Variants in RASSF3 observed in about 807,000 individuals in gnomAD.
The protein encoded by RASSF3 is Ras association domain family member 3, also known as ras association domain-containing protein 3.
Under a neutral mutation model 19.9 loss-of-function variants are expected in RASSF3, and 19 were observed. The observed-to-expected ratio is 0.96, with a 90% CI of 0.67 to 1.40. RASSF3 has a LOEUF of 1.40. Ranked by LOEUF, RASSF3 falls within the 40% of genes most tolerant of loss-of-function variation. RASSF3 has a pLI of 0.00. For missense variants in RASSF3, 306 were observed against 289.8 expected, an observed-to-expected ratio of 1.06 and a Z score of -0.41; for synonymous variants, 110 against 104.2, an observed-to-expected ratio of 1.06 and a Z score of -0.34.
rs1868337673 is a variant in RASSF3 at position 64,513,009 on chromosome 12, A to C, written c.169+5680A>C. ...CCCAACTGCTGACCCAAGAATCAGC[A>C]GTCTCCCAGAAGGTGAAATGTATAA... is the stretch of plus-strand genomic sequence containing the variant. On this transcript the variant is annotated intron_variant, in intron 1 of 5. Transcript: ENST00000637125. 2.6e-5 allele frequency among the ~76,000 whole-genome samples: 4 copies of C among 152,148 alleles called. No homozygotes were observed. In the South Asian group the frequency reaches 8.3e-4, roughly 32 times the overall value.
intron 1 of RASSF3, among the ~76,000 whole-genome samples, chr12:64,668,916 G>A (rs754243451): frequency 1.1e-4 from 17 of 151,842 alleles, no homozygotes; most frequent in Admixed American, 3.3e-4. Context: ...TGATCTGCCC[G>A]CCTCGGCCTC....
intron 2 of RASSF3, among the ~76,000 whole-genome samples, chr12:64,548,854 T>TG (rs535126404): frequency 6.6e-6 from 1 of 152,278 alleles, no homozygotes; most frequent in South Asian, 2.1e-4. Context: ...AATGATCCAG[T>TG]GGTTTGATCT....
chr12:64,565,079 C>T (rs1869407068), intron 2 of RASSF3, among the ~76,000 whole-genome samples: 1 of 151,532 alleles, frequency 6.6e-6, no homozygotes, highest in African/African-American at 2.4e-5. Flanking sequence ...CCACACCTGG[C>T]CTACTTTTTG....
At chr12:64,534,620 A>G (rs1167247575) in intron 1 of RASSF3, among the ~76,000 whole-genome samples, 3 of 152,212 alleles carry the variant, frequency 2.0e-5, no homozygotes, top group Admixed American at 6.5e-5. Flanking sequence ...CAAGGCTGGT[A>G]GTAGGAAGGA....
intron 1 of RASSF3, among the ~76,000 whole-genome samples, chr12:64,623,711 C>T (rs56185632): frequency 2.0e-5 from 3 of 151,226 alleles, no homozygotes; most frequent in East Asian, 3.9e-4. Context: ...GGCACGATCT[C>T]GGCTCACTGC....
rs760055134 is a variant in RASSF3, at chr12:64,688,275, A to G, written c.279A>G (p.Pro93=). The change falls in exon 3 of 5, where the codon CCA becomes CCG. Residue 93 remains proline, a synonymous_variant. Coordinates refer to ENST00000542104, the MANE Select transcript of RASSF3 (RefSeq NM_178169.4). ...IKVQMELCKP[P]QTSPNSGKLS... is the part of the protein sequence containing the mutation. ...TACAGATGGAACTCTGCAAACCTCC[A>G]CAGACTTCTCCAAATTCTGGAAAAC... The G allele has an allele frequency of 3.7e-6, 6 of 1,614,150 alleles. No homozygotes were observed. In the Admixed American group the frequency reaches 1.0e-4, roughly 27 times the overall value.
At chr12:64,514,400 T>A (rs1868348467) in intron 1 of RASSF3, among the ~76,000 whole-genome samples, 1 of 152,044 alleles carries the variant, frequency 6.6e-6, no homozygotes, top group African/African-American at 2.4e-5. Flanking sequence ...TTGGCCAGGA[T>A]GGTCCCGATC....
chr12:64,637,728 C>T (rs1871370849), intron 1 of RASSF3, among the ~76,000 whole-genome samples: 1 of 152,046 alleles, frequency 6.6e-6, no homozygotes, highest in South Asian at 2.1e-4. Flanking sequence ...CCATGCCCAG[C>T]CCCTTGAGTA....
chr12:64,638,579 CAAAAA>C (rs544521268), intron 1 of RASSF3, among the ~76,000 whole-genome samples: 1 of 111,612 alleles, frequency 9.0e-6, no homozygotes. Context: ...GACTCCGTCT[CAAAAA>C]AAAAAAAAAA....
At chr12:64,634,763 A>T (rs528983891) in intron 1 of RASSF3, among the ~76,000 whole-genome samples, 357 of 16,322 alleles carry the variant, frequency 0.022, 3 homozygotes, top group African/African-American at 0.18. Flanking sequence ...ACCATCTCAT[A>T]AAAAAAAAAA....
chr12:64,560,280 G>T (rs1052950752), intron 2 of RASSF3, among the ~76,000 whole-genome samples: 4 of 152,220 alleles, frequency 2.6e-5, no homozygotes, highest in African/African-American at 9.6e-5. Context: ...AGGACTATCA[G>T]AGCCTCAGTC....
chr12:64,531,975 C>T (rs748986707), upstream of RASSF3, among the ~76,000 whole-genome samples: 2 of 152,180 alleles, frequency 1.3e-5, no homozygotes, highest in African/African-American at 4.8e-5. Context: ...CCTCAGGACA[C>T]CAGAAAAGTA....
At chr12:64,515,021 ATTTAT>A (rs1297059017) in intron 1 of RASSF3, among the ~76,000 whole-genome samples, 2 of 112,932 alleles carry the variant, frequency 1.8e-5, no homozygotes, top group African/African-American at 4.0e-5. Context: ...AAAACATTTT[ATTTAT>A]TTTATTTATT....
At chr12:64,604,700 C>T (rs905455507) in intron 2 of RASSF3, among the ~76,000 whole-genome samples, 7 of 151,374 alleles carry the variant, frequency 4.6e-5, no homozygotes, top group African/African-American at 9.7e-5. Context: ...TGCAGTGGCG[C>T]GATCTCGGCT....
chr12:64,620,014 C>CTGTGTGTGTGTGTGTG (rs68044550), intron 1 of RASSF3, among the ~76,000 whole-genome samples: 19,162 of 133,908 alleles, frequency 0.14, 1,565 homozygotes, highest in African/African-American at 0.19. Flanking sequence ...TGCAGGTTGA[C>CTGTGTGTGTGTGTGTG]TGTGTGTGTG....
At chr12:64,553,976 C>CAAAAAAAAAAAAAAAAAAAAAA (rs1021865573) in intron 2 of RASSF3, among the ~76,000 whole-genome samples, 1 of 83,492 alleles carries the variant, frequency 1.2e-5, no homozygotes, top group Admixed American at 1.6e-4. Context: ...GATCCTGTCT[C>CAAAAAAAAAAAAAAAAAAAAAA]AAAAAAAAAA....
At chr12:64,645,738 T>G (rs1430287449) in intron 1 of RASSF3, among the ~76,000 whole-genome samples, 2 of 152,110 alleles carry the variant, frequency 1.3e-5, no homozygotes. Context: ...TTCTTTTGAA[T>G]TTTTAAAAAT....
rs67304103 is a variant in RASSF3, at chr12:64,650,408, C to CTTTTT, written c.112-34359_112-34355dup. ...GCCAGGAGGTGTTTCTTTTTTTTTC[C>CTTTTT]TTTTTTTTTTTTTTTTTTTTTTTTG... is the stretch of plus-strand genomic sequence containing the variant. On this transcript the variant is annotated intron_variant, in intron 1 of 4. Transcript: ENST00000542104. Among the ~76,000 whole-genome samples, 218 of 85,452 alleles carry CTTTTT rather than the reference C, an allele frequency of 2.6e-3. 5 individuals carry two copies. Among genetic ancestry groups the CTTTTT allele is most frequent in the African/African-American group, 6.7e-3 (139 of 20,680 alleles). 56.1% of individuals were successfully genotyped at this position (85,452 alleles called of 152,430 possible). A position where few individuals can be genotyped will look rare whatever the true frequency, so the allele number is the denominator to read the frequency against.
chr12:64,511,439 A>T (rs1460710179), intron 1 of RASSF3, among the ~76,000 whole-genome samples: 1 of 152,060 alleles, frequency 6.6e-6, no homozygotes, highest in Non-Finnish European at 1.5e-5. Flanking sequence ...CCGAGACCAC[A>T]CCACTGCACT....
Sources: gnomAD v4.1 joint callset for allele counts (sites outside exome capture counted in the v4.1 genomes callset) on GRCh38, gnomAD v4.1.1 for gene constraint, MANE v1.5 for transcripts, NCBI Gene and HGNC (gene_info 2026-07-23, HGNC 2026-07-21) for gene names.